PCDH15: variants seen among roughly 807,000 people sequenced by gnomAD.
The protein encoded by PCDH15 is protocadherin-15.
PCDH15 carries 129 observed loss-of-function variants against 178.5 expected under a neutral mutation model. The observed-to-expected ratio is 0.72, with a 90% CI of 0.63 to 0.84. The LOEUF (loss-of-function observed/expected upper bound fraction) is 0.84. Ranked by LOEUF, PCDH15 falls within the 40% of genes least tolerant of loss-of-function variation. The pLI, the probability that PCDH15 is intolerant of heterozygous loss-of-function variation, is 0.00. For synonymous variants in PCDH15, 800 were observed against 732.0 expected (o/e 1.09, Z -1.50); for missense variants, 2,230 against 2,099.9 (o/e 1.06, Z -1.21).
chr10:55,212,679 G>A (rs1840600488), intron 1 of PCDH15, among the ~76,000 whole-genome samples: 1 of 151,958 alleles, frequency 6.6e-6, no homozygotes, highest in African/African-American at 2.4e-5. Context: ...CTAGATTCCG[G>A]GAAGCTCTGG....
chr10:55,514,595 G>A (rs995338716), intron 2 of PCDH15, among the ~76,000 whole-genome samples: 3 of 152,162 alleles, frequency 2.0e-5, no homozygotes, highest in Non-Finnish European at 4.4e-5. Context: ...GTAATCAAAT[G>A]TTAACAGACT....
At chr10:53,877,719 G>A (rs1488526491) in intron 26 of PCDH15, among the ~76,000 whole-genome samples, 1 of 152,002 alleles carries the variant, frequency 6.6e-6, no homozygotes, top group East Asian at 1.9e-4. Flanking sequence ...CACCATCTAT[G>A]AACTGAACTG....
intron 2 of PCDH15, among the ~76,000 whole-genome samples, chr10:54,545,532 C>A (rs918522250): frequency 1.3e-5 from 2 of 151,160 alleles, no homozygotes; most frequent in Admixed American, 6.6e-5. Context: ...TAAGTTGTTT[C>A]TATATAAAGA....
chr10:55,187,158 AAG>A (rs1839820667), intron 1 of PCDH15, among the ~76,000 whole-genome samples: 1 of 151,894 alleles, frequency 6.6e-6, no homozygotes, highest in Non-Finnish European at 1.5e-5. Flanking sequence ...TGAACAGACA[AAG>A]AGGAGATAAG....
intron 2 of PCDH15, among the ~76,000 whole-genome samples, chr10:55,342,802 T>C (rs765504603): frequency 4.1e-4 from 63 of 152,290 alleles, no homozygotes; most frequent in Non-Finnish European, 6.6e-4. Context: ...GGAGGGCACA[T>C]TTCTGGAGAC....
At chr10:54,771,955 T>C (rs896294235) in intron 1 of PCDH15, among the ~76,000 whole-genome samples, 8 of 152,140 alleles carry the variant, frequency 5.3e-5, no homozygotes, top group Non-Finnish European at 7.4e-5. Context: ...ATAGAAAGGA[T>C]TGTAATTCTT....
At chr10:53,808,298 AGAT>A (rs988583418) in intron 37 of PCDH15, 128 of 464,522 alleles carry the variant, frequency 2.8e-4, no homozygotes, top group Admixed American at 2.2e-3. Context: ...TTATTTTGAA[AGAT>A]GATATAAAAA....
intron 3 of PCDH15, among the ~76,000 whole-genome samples, chr10:54,419,826 G>A (rs1204955915): frequency 6.6e-6 from 1 of 152,088 alleles, no homozygotes; most frequent in Non-Finnish European, 1.5e-5. Context: ...GGCAGAACAT[G>A]AGTGCAGATT....
intron 16 of PCDH15, among the ~76,000 whole-genome samples, chr10:54,081,670 T>C (rs1041000870): frequency 6.6e-5 from 10 of 152,084 alleles, no homozygotes; most frequent in Non-Finnish European, 1.5e-4. Flanking sequence ...TATTACCAGC[T>C]AGATGGAGGC....
intron 2 of PCDH15, among the ~76,000 whole-genome samples, chr10:55,017,448 T>C (rs931304528): frequency 2.0e-5 from 3 of 152,178 alleles, no homozygotes; most frequent in Non-Finnish European, 4.4e-5. Flanking sequence ...GTTTTATGAA[T>C]GCACTTAAGT....
intron 2 of PCDH15, among the ~76,000 whole-genome samples, chr10:55,437,832 CTTTTTTTTTTTT>C (rs778307616): frequency 1.2e-5 from 1 of 85,178 alleles, no homozygotes; most frequent in Non-Finnish European, 2.2e-5. Context: ...TATTGCTTTT[CTTTTTTTTTTTT>C]TTTTTTTTTT....
At chr10:55,470,212 G>A (rs1309165783) in intron 2 of PCDH15, among the ~76,000 whole-genome samples, 1 of 151,974 alleles carries the variant, frequency 6.6e-6, no homozygotes, top group African/African-American at 2.4e-5. Flanking sequence ...TTAGCCAGGT[G>A]AGGTGGTTTG....
chr10:53,812,034 C>T (rs1326349904), intron 35 of PCDH15, among the ~76,000 whole-genome samples: 1 of 152,058 alleles, frequency 6.6e-6, no homozygotes, highest in Non-Finnish European at 1.5e-5. Flanking sequence ...CTATCTACAG[C>T]ATTTTTTTTC....
At chr10:54,716,729 T>G (rs1368903654) in intron 1 of PCDH15, among the ~76,000 whole-genome samples, 1 of 151,980 alleles carries the variant, frequency 6.6e-6, no homozygotes, top group Admixed American at 6.6e-5. Flanking sequence ...AAGCTACCAA[T>G]GACTTTCTTC....
At chr10:53,902,271 C>A (rs1193939068) in intron 26 of PCDH15, among the ~76,000 whole-genome samples, 2 of 151,984 alleles carry the variant, frequency 1.3e-5, no homozygotes, top group South Asian at 2.1e-4. Flanking sequence ...CAAGCCCAAC[C>A]CAATTAGGTT....
chr10:53,861,649 A>T (rs185675764), intron 27 of PCDH15, among the ~76,000 whole-genome samples: 1 of 152,186 alleles, frequency 6.6e-6, no homozygotes, highest in Non-Finnish European at 1.5e-5. Context: ...ATTTAACCCA[A>T]TATGTTTAAT....
intron 3 of PCDH15, among the ~76,000 whole-genome samples, chr10:54,525,909 T>C (rs777515666): frequency 1.1e-4 from 16 of 152,224 alleles, no homozygotes; most frequent in Non-Finnish European, 2.1e-4. Flanking sequence ...ACCATATTTT[T>C]AGAAATTTAA....
At chr10:54,684,300 A>G (rs2094954832) in intron 1 of PCDH15, among the ~76,000 whole-genome samples, 1 of 151,830 alleles carries the variant, frequency 6.6e-6, no homozygotes, top group Non-Finnish European at 1.5e-5. Flanking sequence ...TATTGTAGGT[A>G]TAGAATATTT....
At chr10:54,328,888 T>C (rs775765744) in intron 7 of PCDH15, among the ~76,000 whole-genome samples, 19 of 151,958 alleles carry the variant, frequency 1.3e-4, no homozygotes, top group Non-Finnish European at 2.5e-4. Flanking sequence ...AGAAATTTTA[T>C]TAAACTTCCA....
Sources: allele counts gnomAD v4.1 joint callset (sites outside exome capture counted in the v4.1 genomes callset), GRCh38; gene constraint gnomAD v4.1.1; transcripts MANE v1.5; gene names NCBI Gene and HGNC (gene_info 2026-07-23, HGNC 2026-07-21).